The following CSMD1 variants were observed in gnomAD, a reference collection of about 807,000 sequenced individuals.
CSMD1 encodes CUB and sushi domain-containing protein 1.
Under a neutral mutation model 417.5 loss-of-function variants are expected in CSMD1, and 213 were observed. That is an observed-to-expected ratio of 0.51 (90% CI 0.46 to 0.57). The LOEUF is 0.57. Among genes scored for constraint, CSMD1 ranks in the 20% least tolerant of loss-of-function variants. The pLI is 0.00. For synonymous variants in CSMD1, 2,862 were observed against 1,736.8 expected (o/e 1.65, Z -16.11); for missense variants, 6,923 against 4,529.7 (o/e 1.53, Z -15.17).
intron 3 of CSMD1, among the ~76,000 whole-genome samples, chr8:4,369,173 T>G (rs879465717): frequency 1.3e-5 from 2 of 152,172 alleles, no homozygotes; most frequent in Non-Finnish European, 2.9e-5. Context: ...TTCAAAAACT[T>G]TTTTTGATTT....
intron 3 of CSMD1, among the ~76,000 whole-genome samples, chr8:4,088,653 G>A (rs575952307): frequency 3.3e-5 from 5 of 152,184 alleles, no homozygotes; most frequent in South Asian, 4.1e-4. Flanking sequence ...CAAAGTCATT[G>A]TCTTCATGTT....
chr8:3,743,124 T>C (rs1315449404), intron 6 of CSMD1, among the ~76,000 whole-genome samples: 1 of 152,218 alleles, frequency 6.6e-6, no homozygotes, highest in Non-Finnish European at 1.5e-5. Flanking sequence ...CTGAGAGACT[T>C]GCTCAGTGTC....
chr8:4,507,005 A>G (rs1229664305), intron 2 of CSMD1, among the ~76,000 whole-genome samples: 1 of 152,196 alleles, frequency 6.6e-6, no homozygotes, highest in African/African-American at 2.4e-5. Context: ...ATTCCTAAGA[A>G]TGCTTTTCCA....
intron 1 of CSMD1, among the ~76,000 whole-genome samples, chr8:4,709,564 A>C (rs1808162654): frequency 6.6e-6 from 1 of 152,220 alleles, no homozygotes; most frequent in African/African-American, 2.4e-5. Flanking sequence ...GTCGTTGCTC[A>C]CCGTGGATGG....
At chr8:4,364,223 G>C (rs924194022) in intron 3 of CSMD1, among the ~76,000 whole-genome samples, 1 of 152,106 alleles carries the variant, frequency 6.6e-6, no homozygotes, top group Non-Finnish European at 1.5e-5. Flanking sequence ...AAAATAAGTA[G>C]TTAATTAACA....
At chr8:4,037,219 T>C (rs1239603447) in intron 3 of CSMD1, among the ~76,000 whole-genome samples, 3 of 152,240 alleles carry the variant, frequency 2.0e-5, no homozygotes, top group Non-Finnish European at 4.4e-5. Context: ...TGTAGATGTT[T>C]TCTATGACAA....
intron 3 of CSMD1, among the ~76,000 whole-genome samples, chr8:4,354,819 C>G (rs891165288): frequency 6.7e-6 from 1 of 149,362 alleles, no homozygotes; most frequent in African/African-American, 2.5e-5. Context: ...AGTATTATAC[C>G]TGGTTTCTGA....
intron 1 of CSMD1, among the ~76,000 whole-genome samples, chr8:4,703,206 G>A (rs931473774): frequency 1.2e-4 from 19 of 152,284 alleles, no homozygotes; most frequent in Non-Finnish European, 2.4e-4. Flanking sequence ...AGTGGATGAT[G>A]CTATAGCTCA....
chr8:4,090,427 C>A (rs1237829715), intron 3 of CSMD1, among the ~76,000 whole-genome samples: 1 of 152,042 alleles, frequency 6.6e-6, no homozygotes, highest in South Asian at 2.1e-4. Context: ...CTTGATTGGA[C>A]GTGTTTAATT....
At chr8:4,575,078 G>C (rs1390640042) in intron 2 of CSMD1, among the ~76,000 whole-genome samples, 1 of 152,140 alleles carries the variant, frequency 6.6e-6, no homozygotes, top group Non-Finnish European at 1.5e-5. Flanking sequence ...CTATAAAATA[G>C]AATCCAGCCA....
chr8:2,938,873 AG>A, intron 69 of CSMD1, 129 bp from the exon 70 acceptor site: 1 of 709,656 alleles, frequency 1.4e-6, no homozygotes, highest in South Asian at 1.9e-5. Context: ...CAAAGAAGGA[AG>A]GCATCCACAC....
rs187581220 is a variant in CSMD1 at position 4,774,392 on chromosome 8, C to G, written c.86-136834G>C. On this transcript the variant is annotated intron_variant, in intron 1 of 69. Transcript: ENST00000635120. ...GAACCAAAGCATTCTTGAATCCCAC[C>G]TCCAGTTGGAAACATCCGCATGTAA... Among the ~76,000 whole-genome samples, 44 of 152,192 alleles carry G rather than the reference C, an allele frequency of 2.9e-4. No individual in the cohort carries two copies. In the South Asian group the frequency reaches 4.0e-3, roughly 14 times the overall value.
At chr8:4,001,529 CA>C (rs1419984394) in intron 4 of CSMD1, among the ~76,000 whole-genome samples, 2 of 152,174 alleles carry the variant, frequency 1.3e-5, no homozygotes, top group South Asian at 2.1e-4. Flanking sequence ...CAACCCTGAT[CA>C]AATGAGCATA....
At chr8:3,149,947 C>T (rs572344666) in intron 40 of CSMD1, among the ~76,000 whole-genome samples, 2 of 152,174 alleles carry the variant, frequency 1.3e-5, no homozygotes, top group Non-Finnish European at 2.9e-5. Context: ...CTTAAGAGCG[C>T]TAGTGCTGTG....
chr8:3,589,068 G>C (rs943593785), intron 8 of CSMD1, among the ~76,000 whole-genome samples: 7 of 152,018 alleles, frequency 4.6e-5, no homozygotes, highest in Admixed American at 2.0e-4. Flanking sequence ...TTATCAAAAA[G>C]ACAAAAAATA....
At chr8:3,798,966 A>G (rs1800312296) in intron 5 of CSMD1, among the ~76,000 whole-genome samples, 1 of 152,018 alleles carries the variant, frequency 6.6e-6, no homozygotes, top group Non-Finnish European at 1.5e-5. Context: ...AGATCCATTT[A>G]TATATATGGG....
At chr8:4,311,892 C>T (rs6996303) in intron 3 of CSMD1, among the ~76,000 whole-genome samples, 99,604 of 151,758 alleles carry the variant, frequency 0.66, 33,804 homozygotes, top group East Asian at 0.86. Flanking sequence ...TCAAATAATA[C>T]ATGCAACGAA....
At chr8:3,524,080 C>T (rs1323854341) in intron 10 of CSMD1, among the ~76,000 whole-genome samples, 6 of 151,214 alleles carry the variant, frequency 4.0e-5, no homozygotes, top group African/African-American at 1.5e-4. Context: ...CTTACACATG[C>T]ACACACGCAT....
chr8:4,413,052 C>G (rs551022322), intron 3 of CSMD1, among the ~76,000 whole-genome samples: 2 of 152,222 alleles, frequency 1.3e-5, no homozygotes, highest in African/African-American at 2.4e-5. Flanking sequence ...AATAGACTTA[C>G]AAAATTACGC....
Sources: allele counts gnomAD v4.1 joint callset (sites outside exome capture counted in the v4.1 genomes callset), GRCh38; gene constraint gnomAD v4.1.1; transcripts MANE v1.5; gene names NCBI Gene and HGNC (gene_info 2026-07-23, HGNC 2026-07-21).